The following WDR12 variants were observed in gnomAD, a reference collection of about 807,000 sequenced individuals.
WDR12 encodes WD repeat domain 12.
Under a neutral mutation model 64.3 loss-of-function variants are expected in WDR12, and 42 were observed. The observed-to-expected ratio is 0.65, with a 90% CI of 0.51 to 0.84. The LOEUF is 0.84. Among genes scored for constraint, WDR12 ranks in the 40% least tolerant of loss-of-function variants. The pLI, the probability that WDR12 is intolerant of heterozygous loss-of-function variation, is 0.00. For missense variants in WDR12, 469 were observed against 494.6 expected (o/e 0.95, Z 0.49); for synonymous variants, 158 against 173.3 (o/e 0.91, Z 0.70).
In WDR12 at chr2:202,875,554, A is replaced by C. The variant is rs1264403273; in HGVS notation, c.*5306T>G. ...CAGGCATGTGCCACTATGACTGGCT[A>C]ATTTTGTATTTTTAGTAGAGACGGG... On this transcript the variant is annotated 3_prime_UTR_variant, in exon 13 of 13. Transcript: ENST00000261015. The C allele has an allele frequency of 6.6e-6, 1 of 151,952 alleles. No individual in the cohort carries two copies. The highest frequency in any genetic ancestry group is 2.4e-5 in the African/African-American group (1 of 41,348). The allele number at this position is 151,952 out of a possible 1,614,324, so 9.4% of individuals were successfully genotyped here.
At position 202,897,903 on chromosome 2, in the gene WDR12, AAAAAAATATATATATATATAT is replaced by A. The variant is rs1232372408; in HGVS notation, c.339-509_339-489del. On this transcript the variant is annotated intron_variant, in intron 4 of 12. Transcript: ENST00000261015. The stretch of plus-strand genomic sequence containing the variant: ...GACTCCGTTTCAAAAAAAAAAAAAA[AAAAAAATATATATATATATAT>A]AAAAAATATATATCATATATATACA... Among the ~76,000 whole-genome samples the A allele has an allele frequency of 2.2e-3, 131 of 59,792 alleles. 1 individual carries two copies. Among genetic ancestry groups the A allele is most frequent in the Non-Finnish European group, 4.6e-3 (118 of 25,850 alleles). The allele number at this position is 59,792 out of a possible 152,430, so 39.2% of individuals were successfully genotyped here.
chr2:202,882,651 A>G lies in WDR12; in HGVS notation c.1194+60T>C, dbSNP rs1387881364. 1.3e-5 allele frequency: 20 copies of G among 1,554,770 alleles called. No individual in the cohort carries two copies. In the Admixed American group the frequency reaches 3.2e-4, roughly 25 times the overall value. On this transcript the variant is annotated intron_variant, in intron 12 of 12. Coordinates refer to ENST00000261015, the MANE Select transcript of WDR12 (RefSeq NM_018256.4). ...CCCGAAACTAATACATTTTATAAAC[A>G]CAAACACCAGATTTATTCTAGTCAC...
At chr2:202,891,265 G>C (rs1161851208) in intron 8 of WDR12, among the ~76,000 whole-genome samples, 1 of 152,130 alleles carries the variant, frequency 6.6e-6, no homozygotes, top group East Asian at 1.9e-4. Context: ...TCTGCCTCCT[G>C]GGCTGGGCGT....
chr2:202,887,165 A>C (rs1688062318), intron 8 of WDR12, among the ~76,000 whole-genome samples: 8 of 152,276 alleles, frequency 5.3e-5, no homozygotes, highest in Admixed American at 2.0e-4. Flanking sequence ...CTGGGATTAC[A>C]GGCACGTGCC....
intron 1 of WDR12, among the ~76,000 whole-genome samples, chr2:202,908,796 G>A (rs554880654): frequency 6.6e-6 from 1 of 152,274 alleles, no homozygotes; most frequent in African/African-American, 2.4e-5. Flanking sequence ...AGGCAGATTA[G>A]GAGACTCTTA....
intron 8 of WDR12, among the ~76,000 whole-genome samples, chr2:202,888,958 T>C (rs935238262): frequency 3.9e-5 from 6 of 152,132 alleles, no homozygotes; most frequent in Non-Finnish European, 2.9e-5. Flanking sequence ...GATCCTCCAG[T>C]GTTGGCTTCA....
At chr2:202,891,016 A>AG (rs1172495727) in intron 8 of WDR12, among the ~76,000 whole-genome samples, 1,808 of 150,664 alleles carry the variant, frequency 0.012, 37 homozygotes, top group African/African-American at 0.04. Context: ...AAAAAAAAAA[A>AG]AGAGAATAAA....
intron 8 of WDR12, among the ~76,000 whole-genome samples, chr2:202,887,894 C>CAAAAAAAAAAAAAA (rs778475206): frequency 1.6e-5 from 1 of 60,756 alleles, no homozygotes; most frequent in Non-Finnish European, 3.3e-5. Flanking sequence ...GACTCCGTCT[C>CAAAAAAAAAAAAAA]AAAAAAAAAA....
At chr2:202,889,751 TA>T (rs907393517) in intron 8 of WDR12, among the ~76,000 whole-genome samples, 3 of 149,100 alleles carry the variant, frequency 2.0e-5, no homozygotes, top group Admixed American at 6.7e-5. Flanking sequence ...CCCATCTCTT[TA>T]AAAAAAAAAA....
intron 11 of WDR12, among the ~76,000 whole-genome samples, chr2:202,883,205 G>A (rs544182765): frequency 2.0e-5 from 3 of 152,044 alleles, no homozygotes; most frequent in South Asian, 2.1e-4. Flanking sequence ...ATGCAATCTC[G>A]GCTCACTGCA....
chr2:202,896,213 A>G lies in WDR12; in HGVS notation c.461T>C (p.Leu154Ser), dbSNP rs373730340. Residue 154 changes from leucine (L) to serine (S), a missense_variant, in exon 6 of 13, where the codon TTG becomes TCG. Physicochemically the swap from Leu to Ser is moderately radical, Grantham distance 145. Transcript: ENST00000261015. The part of the protein sequence containing the change: ...KDVAWVKKDS[L>S]SCLLLSASMD... The stretch of plus-strand genomic sequence containing the variant: ...AGAAGCACTCAATAATAAGCAGGAC[A>G]AACTATCTGGAGAAAGGAGAACACA... 38 of 1,613,254 alleles carry G rather than the reference A, an allele frequency of 2.4e-5. No individual in the cohort carries two copies. Among genetic ancestry groups the G allele is most frequent in the Non-Finnish European group, 3.1e-5 (37 of 1,179,820 alleles).
chr2:202,882,578 T>C, intron 12 of WDR12, 133 bp downstream of exon 12: 3 of 776,630 alleles, frequency 3.9e-6, no homozygotes, highest in Non-Finnish European at 4.2e-6. Flanking sequence ...TCTGCCCACC[T>C]TGGCCTCCCA....
At chr2:202,889,562 AG>A in intron 8 of WDR12, among the ~76,000 whole-genome samples, 1 of 152,272 alleles carries the variant, frequency 6.6e-6, no homozygotes, top group Non-Finnish European at 1.5e-5. Context: ...TCAAAGATCC[AG>A]GGCTTATTAA....
At chr2:202,888,556 A>G (rs1479285716) in intron 8 of WDR12, among the ~76,000 whole-genome samples, 2 of 152,244 alleles carry the variant, frequency 1.3e-5, no homozygotes, top group Admixed American at 1.3e-4. Flanking sequence ...GGAGGAAAAG[A>G]CTATTGTATG....
Position 202,880,766 on chromosome 2 carries a change from A to T in WDR12, c.*94T>A. 2 of 1,075,686 alleles carry T rather than the reference A, an allele frequency of 1.9e-6. No individual in the cohort carries two copies. The highest frequency in any genetic ancestry group is 2.7e-6 in the Non-Finnish European group (2 of 751,652). 66.6% of individuals were successfully genotyped at this position (1,075,686 alleles called of 1,614,324 possible). A position where few individuals can be genotyped will look rare whatever the true frequency, so the allele number is the denominator to read the frequency against. On this transcript the variant is annotated 3_prime_UTR_variant, in exon 13 of 13. Transcript: ENST00000261015. ...GTGAAAACATTATATAAACTTCAAA[A>T]GGCTGCTTTCTGCATCTGCATCTAT...
At chr2:202,898,505 A>G (rs995663537) in intron 4 of WDR12, among the ~76,000 whole-genome samples, 35 of 152,242 alleles carry the variant, frequency 2.3e-4, no homozygotes, top group African/African-American at 8.4e-4. Flanking sequence ...CTAAAAGTAA[A>G]ACTAGGAGAA....
intron 6 of WDR12, chr2:202,894,839 A>T (rs1446028978): frequency 3.3e-5 from 14 of 424,082 alleles, no homozygotes; most frequent in Non-Finnish European, 2.1e-5. Context: ...GAAGAAAGCC[A>T]ATCTGAAGTG....
Position 202,896,237 on chromosome 2 carries a change from CAAG to C in WDR12, c.455-21_455-19del. The C allele has an allele frequency of 6.2e-7, 1 of 1,608,626 alleles. No individual in the cohort carries two copies. The highest frequency in any genetic ancestry group is 8.5e-7 in the Non-Finnish European group (1 of 1,178,270). On this transcript the variant is annotated intron_variant, in intron 5 of 12. Transcript: ENST00000261015. ...CAAACTATCTGGAGAAAGGAGAACACAAGAATAAGAAACAAATCAGTATACCAT... is the reference window on the plus strand; with the variant it reads ...CAAACTATCTGGAGAAAGGAGAACACAATAAGAAACAAATCAGTATACCAT...
At chr2:202,891,953 C>T (rs1043137779) in intron 8 of WDR12, among the ~76,000 whole-genome samples, 1 of 152,032 alleles carries the variant, frequency 6.6e-6, no homozygotes, top group African/African-American at 2.4e-5. Context: ...CACAAACTTT[C>T]GGTTATAAGA....
Sources: allele counts gnomAD v4.1 joint callset (sites outside exome capture counted in the v4.1 genomes callset), GRCh38; gene constraint gnomAD v4.1.1; transcripts MANE v1.5; gene names NCBI Gene and HGNC (gene_info 2026-07-23, HGNC 2026-07-21).